The following DYNC1H1 variants were observed in gnomAD, a reference collection of about 807,000 sequenced individuals.
DYNC1H1 encodes the protein cytoplasmic dynein 1 heavy chain 1.
DYNC1H1 carries 51 observed loss-of-function variants against 527.1 expected under a neutral mutation model. The ratio of observed to expected loss-of-function variants is 0.10; its 90% CI spans 0.08 to 0.12. The LOEUF (loss-of-function observed/expected upper bound fraction) is 0.12. DYNC1H1 is among the 10% of genes least tolerant of loss of function. The probability of loss-of-function intolerance (pLI) is 1.00; values close to 1 mark genes in which losing one functional copy is unlikely to be tolerated. For synonymous variants in DYNC1H1, 2,189 were observed against 2,278.8 expected, an observed-to-expected ratio of 0.96 and a Z score of 1.12; for missense variants, 2,771 against 5,971.8, an observed-to-expected ratio of 0.46 and a Z score of 17.66.
In DYNC1H1 at chr14:102,029,182, A is replaced by G; in HGVS notation, c.9469-357A>G. ...TCAAGGGACCAGAGCAGTTTCTCAC[A>G]TCAGGCCTGCCTTGCCCCTTTCTTG... On this transcript the variant is annotated intron_variant, in intron 48 of 77. Transcript: ENST00000360184. The surrounding 1 kb of genome is among the most constrained non-coding windows in gnomAD (Gnocchi z 5.3). 3.0e-6 allele frequency: 1 copy of G among 334,270 alleles called. No individual in the cohort carries two copies. Among genetic ancestry groups the G allele is most frequent in the Non-Finnish European group, 5.8e-6 (1 of 173,200 alleles). 20.7% of individuals were successfully genotyped at this position (334,270 alleles called of 1,614,324 possible). A position where few individuals can be genotyped will look rare whatever the true frequency, so the allele number is the denominator to read the frequency against.
At position 101,970,718 on chromosome 14, in the gene DYNC1H1, G is replaced by C. The variant is rs191989444; in HGVS notation, c.257-4994G>C. ...GGCTGGTCTCAAACTCCTGACCTCA[G>C]GTGATCCGCCCGCCTCAGCCTCCCA... On this transcript the variant is annotated intron_variant, in intron 1 of 77. Coordinates refer to ENST00000360184, the MANE Select transcript of DYNC1H1 (RefSeq NM_001376.5). Among the ~76,000 whole-genome samples the C allele has an allele frequency of 5.5e-3, 835 of 152,030 alleles. 17 individuals carry two copies. Among genetic ancestry groups the C allele is most frequent in the East Asian group, 0.037 (190 of 5,170 alleles).
rs535366389 is a variant in DYNC1H1, at chr14:102,016,700, G to A, written c.7615-66G>A. The stretch of plus-strand genomic sequence containing the variant: ...TCTGAAAGTTCAAGTTTGTGTTCAG[G>A]TAAACAAACCTCGTGAGGAGGCACC... On this transcript the variant is annotated intron_variant, in intron 37 of 77. Coordinates refer to ENST00000360184, the MANE Select transcript of DYNC1H1 (RefSeq NM_001376.5). The surrounding 1 kb of genome is among the most constrained non-coding windows in gnomAD (Gnocchi z 7.3). The A allele has an allele frequency of 3.4e-5, 53 of 1,574,888 alleles. No individual in the cohort carries two copies. Among genetic ancestry groups the A allele is most frequent in the Non-Finnish European group, 4.2e-5 (49 of 1,157,858 alleles).
In DYNC1H1 at chr14:101,983,425, A is replaced by C; in HGVS notation, c.1277A>C (p.Glu426Ala). The change falls in exon 7 of 78, where the codon GAG (glutamate) becomes GCG (alanine). Residue 426 changes from glutamate (E) to alanine (A), a missense_variant. This residue lies in a region of DYNC1H1 where 264 missense variants were observed against 619.4 expected (regional missense o/e 0.43). Coordinates refer to ENST00000360184, the MANE Select transcript of DYNC1H1 (RefSeq NM_001376.5). The surrounding 1 kb of genome is among the most constrained non-coding windows in gnomAD (Gnocchi z 5.3). ...CFEVFQTWDD[E>A]YEKLQVLLRD... ...GAAGTTTTTCAGACTTGGGATGATG[A>C]GTATGAGAAACTTCAGGTATTGTTG... is the stretch of plus-strand genomic sequence containing the variant. 6.2e-7 allele frequency: 1 copy of C among 1,614,172 alleles called. No homozygotes were observed. The highest frequency in any genetic ancestry group is 8.5e-7 in the Non-Finnish European group (1 of 1,180,044).
At chr14:101,991,245 G>A (rs1018622525) in intron 10 of DYNC1H1, among the ~76,000 whole-genome samples, 1 of 152,062 alleles carries the variant, frequency 6.6e-6, no homozygotes, top group Non-Finnish European at 1.5e-5. Flanking sequence ...AGGCTGAAGC[G>A]GGTGGATCAC....
At position 102,001,612 on chromosome 14, in the gene DYNC1H1, T is replaced by C. The variant is rs1337032276; in HGVS notation, c.4473T>C (p.Asp1491=). The change falls in exon 21 of 78, where the codon GAT becomes GAC. Residue 1491 remains aspartate (D), a synonymous_variant. Transcript: ENST00000360184. The surrounding 1 kb of genome is among the most constrained non-coding windows in gnomAD (Gnocchi z 5.0). ...AGTGCCGCTTGATCCGTGGCTGGGA[T>C]GACCTCTTCAACAAGGTCAAAGAAC... ...QNKCRLIRGW[D]DLFNKVKEHI... The C allele has an allele frequency of 1.2e-6, 2 of 1,614,094 alleles. No homozygotes were observed. The highest frequency in any genetic ancestry group is 1.7e-6 in the Non-Finnish European group (2 of 1,180,046).
intron 34 of DYNC1H1, among the ~76,000 whole-genome samples, chr14:102,013,204 G>C (rs546242396): frequency 2.1e-5 from 3 of 141,010 alleles, no homozygotes. Flanking sequence ...AGCCGAGATC[G>C]CGCCACTGCA....
intron 1 of DYNC1H1, among the ~76,000 whole-genome samples, chr14:101,966,338 G>A (rs2047667560): frequency 6.6e-6 from 1 of 151,622 alleles, no homozygotes. Context: ...CATATTTAGA[G>A]TATTAATGTT....
chr14:102,040,118 T>G (rs1029846894), intron 62 of DYNC1H1, 118 bp from the exon 63 acceptor site: 78 of 1,390,522 alleles, frequency 5.6e-5, no homozygotes, highest in African/African-American at 5.1e-4. Flanking sequence ...GTGCTGAGAT[T>G]ATAGGCCTGA....
rs1205702252 is a variant in DYNC1H1, at chr14:102,049,654, AAAACAC to A, written c.13516-58_13516-53del. 11 of 1,613,312 alleles carry A rather than the reference AAAACAC, an allele frequency of 6.8e-6. No individual in the cohort carries two copies. The Admixed American group carries it at 1.5e-4, about 22-fold the overall frequency. The stretch of plus-strand genomic sequence containing the variant: ...GCTGGGGTGGGAGTGGCTCTGGGGA[AAAACAC>A]AGGGCCCAGGTCTGACCTGAGCTCC... On this transcript the variant is annotated intron_variant, in intron 75 of 77. Transcript: ENST00000360184. The surrounding 1 kb of genome is among the most constrained non-coding windows in gnomAD (Gnocchi z 5.5).
Position 101,978,053 on chromosome 14 carries a change from A to C in DYNC1H1, c.345-1266A>C, listed in dbSNP as rs150242809. Among the ~76,000 whole-genome samples the C allele has an allele frequency of 6.8e-3, 1,036 of 151,250 alleles. 16 individuals carry two copies. Among genetic ancestry groups the C allele is most frequent in the African/African-American group, 0.024 (991 of 41,218 alleles). ...AGGCACCTGCCACCACACCTGGCTA[A>C]TTTTTTTTTCTTTCTTCTTGAGACG... On this transcript the variant is annotated intron_variant, in intron 2 of 77. Transcript: ENST00000360184.
rs371990625 is a variant in DYNC1H1, at chr14:102,039,622, C to A, written c.11596-16C>A. The A allele has an allele frequency of 6.2e-7, 1 of 1,614,146 alleles. No homozygotes were observed. ...CTTCTCTTATGGAACAACATCGTCT[C>A]CTGCTCTTGTCCCAGGTGGCGTTTA... On this transcript the variant is annotated splice_polypyrimidine_tract_variant and intron_variant, in intron 61 of 77. Transcript: ENST00000360184. This position sits in a 1 kb window ranked among gnomAD's most constrained non-coding sequence, Gnocchi z 7.0.
intron 73 of DYNC1H1, 166 bp downstream of exon 73, chr14:102,048,194 A>T (rs1595636448): frequency 1.1e-6 from 1 of 911,502 alleles, no homozygotes; most frequent in East Asian, 2.6e-5. Flanking sequence ...ATTGGGCAAG[A>T]TGAGTTGGCC....
In DYNC1H1 at chr14:101,985,049, G is replaced by C. The variant is rs2047919151; in HGVS notation, c.1462-638G>C. Among the ~76,000 whole-genome samples the C allele has an allele frequency of 6.6e-6, 1 of 151,746 alleles. No individual in the cohort carries two copies. The highest frequency in any genetic ancestry group is 1.5e-5 in the Non-Finnish European group (1 of 67,996). ...CCCGCCCCGGCCTCCCGAAGTGCTG[G>C]GATTACCATGCCCAGCCCATCCAAA... On this transcript the variant is annotated intron_variant, in intron 7 of 77. Transcript: ENST00000360184. The surrounding 1 kb of genome is among the most constrained non-coding windows in gnomAD (Gnocchi z 5.9).
Position 102,011,155 on chromosome 14 carries a change from A to C in DYNC1H1, c.6618+203A>C. ...AAGAGGAAACAATACTTAACCTGAA[A>C]ATTTTACATGATACAGTTCAATTTC... On this transcript the variant is annotated intron_variant, in intron 32 of 77. Coordinates refer to ENST00000360184, the MANE Select transcript of DYNC1H1 (RefSeq NM_001376.5). The surrounding 1 kb of genome is among the most constrained non-coding windows in gnomAD (Gnocchi z 5.3). 1 of 637,526 alleles carries C rather than the reference A, an allele frequency of 1.6e-6. No homozygotes were observed. The highest frequency in any genetic ancestry group is 2.4e-5 in the Admixed American group (1 of 41,716). 39.5% of individuals were successfully genotyped at this position (637,526 alleles called of 1,614,324 possible). A position where few individuals can be genotyped will look rare whatever the true frequency, so the allele number is the denominator to read the frequency against.
In DYNC1H1 at chr14:102,040,310, C is replaced by T. The variant is rs141696238; in HGVS notation, c.11765C>T (p.Pro3922Leu). 3.1e-3 allele frequency: 5,026 copies of T among 1,614,182 alleles called. 108 individuals are homozygous for T. Among genetic ancestry groups the T allele is most frequent in the East Asian group, 0.016 (723 of 44,880 alleles). ...NEIVLSAGST[P>L]RIQGLTVEQA... ...ATTGTCCTGAGTGCTGGCTCCACCC[C>T]CAGGATCCAGGGCCTGACTGTGGAG... The change falls in exon 63 of 78, where the codon CCC becomes CTC. Residue 3922 changes from proline to leucine, a missense_variant. Physicochemically the swap from Pro to Leu is moderately conservative, Grantham distance 98 (BLOSUM62 -3). Coordinates refer to ENST00000360184, the MANE Select transcript of DYNC1H1 (RefSeq NM_001376.5).
chr14:101,978,835 G>A (rs146336969), intron 2 of DYNC1H1, among the ~76,000 whole-genome samples: 7 of 152,314 alleles, frequency 4.6e-5, no homozygotes, highest in Non-Finnish European at 1.0e-4. Flanking sequence ...AAGGCACAAA[G>A]CACGTGATGT....
Position 102,039,299 on chromosome 14 carries a change from G to A in DYNC1H1, c.11460+45G>A. 1 of 1,611,354 alleles carries A rather than the reference G, an allele frequency of 6.2e-7. No homozygotes were observed. Among genetic ancestry groups the A allele is most frequent in the Non-Finnish European group, 8.5e-7 (1 of 1,179,858 alleles). ...AGAGACTGGCGGGCCCCGCACAGTA[G>A]CTCCTTGGCCGCACAGAGGCTGGCG... On this transcript the variant is annotated intron_variant, in intron 60 of 77. Coordinates refer to ENST00000360184, the MANE Select transcript of DYNC1H1 (RefSeq NM_001376.5). The surrounding 1 kb of genome is among the most constrained non-coding windows in gnomAD (Gnocchi z 7.0).
rs756161112 is a variant in DYNC1H1, at chr14:102,044,525, T to G, written c.12902+34T>G. ...CTGCCTGCTGGAATGGAGACAGTTG[T>G]GATGTCAGGGCGTCTGGTGTCACTC... On this transcript the variant is annotated intron_variant, in intron 71 of 77. Coordinates refer to ENST00000360184, the MANE Select transcript of DYNC1H1 (RefSeq NM_001376.5). This position sits in a 1 kb window ranked among gnomAD's most constrained non-coding sequence, Gnocchi z 7.1. 4 of 1,614,138 alleles carry G rather than the reference T, an allele frequency of 2.5e-6. No homozygotes were observed. The highest frequency in any genetic ancestry group is 1.6e-4 in the Middle Eastern group (1 of 6,062).
chr14:102,006,328 G>A (rs1403141107), intron 27 of DYNC1H1, among the ~76,000 whole-genome samples, 158 bp downstream of exon 27: 1 of 152,200 alleles, frequency 6.6e-6, no homozygotes, highest in African/African-American at 2.4e-5. Context: ...TCCACCTCCC[G>A]GGTTCAAGCC....
Sources: allele counts gnomAD v4.1 joint callset (sites outside exome capture counted in the v4.1 genomes callset), GRCh38; gene constraint gnomAD v4.1.1; regional missense constraint gnomAD v4.1.1; non-coding constraint Gnocchi (gnomAD v3.1); transcripts MANE v1.5; gene names NCBI Gene and HGNC (gene_info 2026-07-23, HGNC 2026-07-21).